ARSL: variants seen among roughly 807,000 people sequenced by gnomAD.
ARSL encodes arylsulfatase E (chondrodysplasia punctata 1).
A neutral mutation model predicts 31.1 loss-of-function variants in ARSL; 4 were observed. The ratio of observed to expected loss-of-function variants is 0.13; its 90% CI spans 0.06 to 0.29. ARSL has a LOEUF of 0.29. ARSL is among the 10% of genes least tolerant of loss of function. The pLI is 1.00. For missense variants in ARSL, 312 were observed against 497.8 expected, an observed-to-expected ratio of 0.63 and a Z score of 3.55; for synonymous variants, 198 against 209.9, an observed-to-expected ratio of 0.94 and a Z score of 0.49.
chrX:2,936,216 T>C (rs1192759064), intron 10 of ARSL, among the ~76,000 whole-genome samples: 1 of 109,827 alleles, frequency 9.1e-6, no homozygotes, highest in African/African-American at 3.3e-5. Flanking sequence ...GCACCTGTAA[T>C]CCCAGCTACT....
chrX:2,960,025 T>G lies in ARSL; in HGVS notation c.23+353A>C, dbSNP rs746459030. On this transcript the variant is annotated intron_variant, in intron 2 of 10. Coordinates refer to ENST00000381134, the MANE Select transcript of ARSL (RefSeq NM_000047.3). ...TGGCTCACGCCTGTAATCCCAGCAC[T>G]TTGGGAGGCCGAGGCGGGCGGATCA... is the stretch of plus-strand genomic sequence containing the variant. 3.7e-3 allele frequency: 764 copies of G among 205,054 alleles called. 6 individuals carry two copies. The highest frequency in any genetic ancestry group is 0.022 in the African/African-American group (708 of 32,651). 16.9% of individuals were successfully genotyped at this position (205,054 alleles called of 1,213,427 possible). A position where few individuals can be genotyped will look rare whatever the true frequency, so the allele number is the denominator to read the frequency against.
At chrX:2,963,088 A>G (rs2089660178) in intron 1 of ARSL, among the ~76,000 whole-genome samples, 1 of 112,133 alleles carries the variant, frequency 8.9e-6, no homozygotes, top group Non-Finnish European at 1.9e-5. Flanking sequence ...CTTAGATATC[A>G]TTTGTGCTTT....
intron 2 of ARSL, chrX:2,959,706 A>G: frequency 2.6e-6 from 3 of 1,147,962 alleles, no homozygotes; most frequent in Non-Finnish European, 3.4e-6. Context: ...CTCATGCTTC[A>G]TTCTCCAGAT....
chrX:2,957,115 G>A (rs1199406196), intron 3 of ARSL, among the ~76,000 whole-genome samples: 4 of 108,053 alleles, frequency 3.7e-5, no homozygotes, highest in Non-Finnish European at 7.7e-5. Flanking sequence ...AAGCTACTTG[G>A]GAGGCTGAGG....
At position 2,953,411 on chromosome X, in the gene ARSL, C is replaced by T. The variant is rs143139380; in HGVS notation, c.308-146G>A. 2,250 of 680,878 alleles carry T rather than the reference C, an allele frequency of 3.3e-3. 32 individuals carry two copies. The African/African-American group carries it at 0.042, about 13-fold the overall frequency. 56.1% of individuals were successfully genotyped at this position (680,878 alleles called of 1,213,427 possible). A position where few individuals can be genotyped will look rare whatever the true frequency, so the allele number is the denominator to read the frequency against. ...AAATGGACTTCCTATATGACTTTGC[C>T]TAGTGGATTGCATTTTTGGCAGCAA... On this transcript the variant is annotated intron_variant, in intron 4 of 10. Coordinates refer to ENST00000381134, the MANE Select transcript of ARSL (RefSeq NM_000047.3).
rs773012594 is a variant in ARSL at position 2,949,480 on chromosome X, C to T, written c.678G>A (p.Pro226=). The stretch of plus-strand genomic sequence containing the variant: ...CGGCCGAAAGGGCTGACCAGATGAC[C>T]GGCATCCACGAGACGGGTATCAGGT... ...LTHLIPVSWM[P]VIWSALSAVL... is the part of the protein sequence containing the mutation. Residue 226 remains proline, a synonymous_variant, in exon 6 of 11, where the codon CCG becomes CCA. Transcript: ENST00000381134. The T allele has an allele frequency of 4.1e-5, 49 of 1,208,996 alleles. No individual in the cohort carries two copies. The highest frequency in any genetic ancestry group is 5.0e-5 in the Non-Finnish European group (45 of 895,097).
chrX:2,960,716 C>T (rs2089615665), intron 1 of ARSL, among the ~76,000 whole-genome samples: 1 of 111,452 alleles, frequency 9.0e-6, no homozygotes, highest in South Asian at 3.8e-4. Flanking sequence ...TATCAGCTTT[C>T]ATAGCCCATG....
chrX:2,948,855 C>G (rs1203392739), intron 6 of ARSL, among the ~76,000 whole-genome samples: 1 of 111,363 alleles, frequency 9.0e-6, no homozygotes, highest in Admixed American at 9.6e-5. Flanking sequence ...CTCATCTATG[C>G]CCCATTCTTA....
At chrX:2,960,516 C>T (rs192355252) in intron 1 of ARSL, 96 bp from the exon 2 acceptor site, 1 of 851,633 alleles carries the variant, frequency 1.2e-6, no homozygotes, top group African/African-American at 2.0e-5. Flanking sequence ...AACTTTGATT[C>T]CCGTTCATGA....
chrX:2,957,849 A>G (rs1212992808), intron 3 of ARSL, among the ~76,000 whole-genome samples: 1 of 109,745 alleles, frequency 9.1e-6, no homozygotes, highest in Non-Finnish European at 1.9e-5. Context: ...GCAAAACCCC[A>G]CCTCTACAAG....
upstream of ARSL, among the ~76,000 whole-genome samples, chrX:2,966,815 G>A (rs1252842092): frequency 6.4e-5 from 7 of 108,789 alleles, no homozygotes; most frequent in Middle Eastern, 4.9e-3. Context: ...TAATATGCAC[G>A]TATAAATATA....
At chrX:2,957,613 G>A (rs1184464523) in intron 3 of ARSL, among the ~76,000 whole-genome samples, 1 of 108,502 alleles carries the variant, frequency 9.2e-6, no homozygotes, top group African/African-American at 3.4e-5. Flanking sequence ...GGAGAGTAAG[G>A]CAGGAGAATC....
At chrX:2,936,677 A>G (rs370086209) in intron 10 of ARSL, 65 bp downstream of exon 10, 84 of 1,189,676 alleles carry the variant, frequency 7.1e-5, no homozygotes, top group Non-Finnish European at 9.2e-5. Flanking sequence ...GTTCTAGGGC[A>G]TGGTGCTTTC....
rs747278789 is a variant in ARSL at position 2,943,181 on chromosome X, A to G, written c.1010T>C (p.Leu337Ser). ...GCTGTTGCTCAAACCCTCCACGTCC[A>G]AAGTGTCAAGGATCCGTCCTGCAAA... is the stretch of plus-strand genomic sequence containing the variant. ...DWMVGRILDT[L>S]DVEGLSNSTL... Residue 337 changes from leucine to serine, a missense_variant, in exon 8 of 11, where the codon TTG (leucine) becomes TCG (serine). Coordinates refer to ENST00000381134, the MANE Select transcript of ARSL (RefSeq NM_000047.3). 8.3e-7 allele frequency: 1 copy of G among 1,211,329 alleles called. No homozygotes were observed. The highest frequency in any genetic ancestry group is 1.1e-6 in the Non-Finnish European group (1 of 895,442).
chrX:2,964,410 A>T (rs1164166856), upstream of ARSL: 1 of 747,108 alleles, frequency 1.3e-6, no homozygotes, highest in Non-Finnish European at 1.6e-6. Flanking sequence ...CTCCCCCCAC[A>T]TCGCAGCATG....
chrX:2,943,669 G>A (rs2089314144), intron 7 of ARSL, among the ~76,000 whole-genome samples: 1 of 102,384 alleles, frequency 9.8e-6, no homozygotes, highest in Non-Finnish European at 2.0e-5. Context: ...TTAAACCCGG[G>A]AAGTGGAGAT....
At chrX:2,938,372 C>A in intron 8 of ARSL, 115 bp from the exon 9 acceptor site, 1 of 935,878 alleles carries the variant, frequency 1.1e-6, no homozygotes, top group Non-Finnish European at 1.5e-6. Context: ...CTCCCTGAGT[C>A]TCTCAATTTC....
At chrX:2,945,153 G>C (rs760130337) in intron 7 of ARSL, among the ~76,000 whole-genome samples, 1 of 111,260 alleles carries the variant, frequency 9.0e-6, no homozygotes, top group South Asian at 3.8e-4. Context: ...GGCAGGCTCT[G>C]AAGAGGAGCC....
intron 8 of ARSL, among the ~76,000 whole-genome samples, chrX:2,941,838 C>T (rs5982933): frequency 0.01 from 1,157 of 112,374 alleles, 12 homozygotes; most frequent in African/African-American, 0.034. Flanking sequence ...ATGGTCACTC[C>T]TATTTGGCTC....
Sources: allele counts gnomAD v4.1 joint callset (sites outside exome capture counted in the v4.1 genomes callset), GRCh38; gene constraint gnomAD v4.1.1; transcripts MANE v1.5; gene names NCBI Gene and HGNC (gene_info 2026-07-23, HGNC 2026-07-21).